Variants in ZNF664 observed in about 807,000 individuals in gnomAD.
ZNF664 encodes zinc finger protein 664.
ZNF664 carries 10 observed loss-of-function variants against 18.2 expected under a neutral mutation model. The observed-to-expected ratio is 0.55, with a 90% CI of 0.34 to 0.93. The LOEUF is 0.93. Ranked by LOEUF, ZNF664 falls within the 40% of genes least tolerant of loss-of-function variation. ZNF664 has a pLI of 0.02. For synonymous variants in ZNF664, 119 were observed against 104.2 expected (o/e 1.14, Z -0.86); for missense variants, 193 against 319.0 (o/e 0.61, Z 3.01).
intron 2 of ZNF664, among the ~76,000 whole-genome samples, chr12:123,986,745 A>C (rs1325107033): frequency 6.6e-6 from 1 of 152,204 alleles, no homozygotes; most frequent in Non-Finnish European, 1.5e-5. Flanking sequence ...GCCTACCCTT[A>C]AAGCTGAAGC....
intron 3 of ZNF664, chr12:123,989,422 G>A (rs1297346838): frequency 1.3e-5 from 2 of 152,098 alleles, no homozygotes; most frequent in African/African-American, 4.8e-5. Flanking sequence ...GGGTAACCTC[G>A]GCCAGTCTTT....
intron 3 of ZNF664, among the ~76,000 whole-genome samples, chr12:123,995,827 T>C (rs2138392417): frequency 6.6e-6 from 1 of 152,308 alleles, no homozygotes; most frequent in Non-Finnish European, 1.5e-5. Flanking sequence ...TCAGAGTACG[T>C]GGAGAGAAGA....
At chr12:123,975,563 T>C (rs965525922) in intron 2 of ZNF664, among the ~76,000 whole-genome samples, 1 of 152,054 alleles carries the variant, frequency 6.6e-6, no homozygotes, top group Non-Finnish European at 1.5e-5. Context: ...TAGTTAGGAA[T>C]GACTACAACC....
intron 3 of ZNF664, among the ~76,000 whole-genome samples, chr12:123,992,214 A>G (rs1426063158): frequency 6.6e-6 from 1 of 152,182 alleles, no homozygotes; most frequent in Non-Finnish European, 1.5e-5. Context: ...CTGGGGACCA[A>G]GTAGGAAAGT....
chr12:124,009,547 G>A (rs1957110898), intron 3 of ZNF664, among the ~76,000 whole-genome samples: 1 of 152,072 alleles, frequency 6.6e-6, no homozygotes, highest in Non-Finnish European at 1.5e-5. Context: ...TGCTGAGGCT[G>A]GAGTACAGTG....
rs1957164341 is a variant in ZNF664, at chr12:124,014,085, A to G, written c.*1155A>G. On this transcript the variant is annotated 3_prime_UTR_variant, in exon 5 of 5. Transcript: ENST00000337815. ...GTGGAGTTTACTTCTGGTGGAGGAG[A>G]CAGATGATAAGTAAACAAATAAATA... The G allele has an allele frequency of 6.0e-6, 1 of 166,862 alleles. No homozygotes were observed. The highest frequency in any genetic ancestry group is 1.5e-5 in the Non-Finnish European group (1 of 68,102). 10.3% of individuals were successfully genotyped at this position (166,862 alleles called of 1,614,324 possible). A position where few individuals can be genotyped will look rare whatever the true frequency, so the allele number is the denominator to read the frequency against.
rs80207221 is a variant in ZNF664, at chr12:123,988,186, C to T, written c.-661+48C>T. The T allele has an allele frequency of 0.011, 13,284 of 1,230,130 alleles. 712 individuals are homozygous for T. The African/African-American group carries it at 0.14, about 13-fold the overall frequency. 76.2% of individuals were successfully genotyped at this position (1,230,130 alleles called of 1,614,324 possible). A position where few individuals can be genotyped will look rare whatever the true frequency, so the allele number is the denominator to read the frequency against. On this transcript the variant is annotated intron_variant, in intron 3 of 4. Transcript: ENST00000337815. ...CATTTGTCCTAGATGGAGAATCCCC[C>T]TTGAGTATTTTAAGCCAAAGCTGTC...
At chr12:123,996,431 CTGGAGATGCATAACAATTCAAGATTT>C (rs1295465405) in intron 3 of ZNF664, among the ~76,000 whole-genome samples, 2 of 152,192 alleles carry the variant, frequency 1.3e-5, no homozygotes, top group Admixed American at 1.3e-4. Flanking sequence ...ACACACAGAG[CTGGAGATGCATAACAATTCAAGATTT>C]TGGAGATAGA....
chr12:123,973,693 G>A (rs2138289797), intron 1 of ZNF664, 193 bp from the exon 2 acceptor site: 2 of 1,008,288 alleles, frequency 2.0e-6, no homozygotes, highest in East Asian at 3.7e-5. Flanking sequence ...TCGGGAGCCG[G>A]ACTCCCGAGC....
rs1173081885 is a variant in ZNF664, at chr12:123,973,936, A to G, written c.-841A>G. 1.5e-5 allele frequency: 18 copies of G among 1,231,740 alleles called. No individual in the cohort carries two copies. The highest frequency in any genetic ancestry group is 1.6e-5 in the Non-Finnish European group (16 of 988,084). 76.3% of individuals were successfully genotyped at this position (1,231,740 alleles called of 1,614,324 possible). The stretch of plus-strand genomic sequence containing the variant: ...CGAGCATCCCGCTCAGGTGATGAGG[A>G]ACCCCTCGCGCACCCAGCGCAGAAG... On this transcript the variant is annotated 5_prime_UTR_variant, in exon 2 of 5. Transcript: ENST00000337815.
chr12:123,973,736 G>C, intron 1 of ZNF664, 150 bp from the exon 2 acceptor site: 1 of 1,206,308 alleles, frequency 8.3e-7, no homozygotes, highest in Non-Finnish European at 1.0e-6. Context: ...CGAGGGAAGG[G>C]GGAGCGCTGC....
At chr12:123,983,695 A>G (rs569313783) in intron 2 of ZNF664, among the ~76,000 whole-genome samples, 2 of 152,284 alleles carry the variant, frequency 1.3e-5, no homozygotes, top group African/African-American at 4.8e-5. Flanking sequence ...TCAAAATATC[A>G]CTTTTGGATG....
intron 2 of ZNF664, among the ~76,000 whole-genome samples, chr12:123,980,298 T>TA (rs908429988): frequency 7.2e-5 from 11 of 152,182 alleles, no homozygotes; most frequent in African/African-American, 2.7e-4. Context: ...AGGAAGATGT[T>TA]ACAATTTCTC....
intron 2 of ZNF664, among the ~76,000 whole-genome samples, chr12:123,981,506 C>G (rs565908726): frequency 6.6e-6 from 1 of 152,300 alleles, no homozygotes; most frequent in South Asian, 2.1e-4. Context: ...CCTGTGCCGG[C>G]TCAGGGCTCT....
At chr12:123,974,475 A>C (rs1956658486) in intron 2 of ZNF664, 1 of 153,932 alleles carries the variant, frequency 6.5e-6, no homozygotes, top group African/African-American at 2.4e-5. Context: ...TTTCCTTCAT[A>C]GACGCATAGT....
intron 3 of ZNF664, among the ~76,000 whole-genome samples, chr12:124,007,770 T>C (rs528353435): frequency 7.7e-4 from 118 of 152,322 alleles, no homozygotes; most frequent in East Asian, 2.9e-3. Context: ...TAGACTATTA[T>C]CTCTTACCTA....
intron 2 of ZNF664, among the ~76,000 whole-genome samples, chr12:123,975,308 T>C (rs1041255988): frequency 6.6e-6 from 1 of 152,172 alleles, no homozygotes; most frequent in African/African-American, 2.4e-5. Flanking sequence ...TTGAATGCTT[T>C]TTAATTTGTG....
chr12:124,012,490 G>A lies in ZNF664; in HGVS notation c.346G>A (p.Val116Ile). ...AGTTCATACAGGTGAGAAACCGTAT[G>A]TCTGTAGTGAGTGTGGAAGGGGCTT... The part of the protein sequence containing the change: ...MRVHTGEKPY[V>I]CSECGRGFSN... Residue 116 changes from valine to isoleucine, a missense_variant, in exon 5 of 5, where the codon GTC (valine) becomes ATC (isoleucine). Val to Ile is a conservative substitution (Grantham distance 29). Coordinates refer to ENST00000337815, the MANE Select transcript of ZNF664 (RefSeq NM_152437.3). 6.2e-7 allele frequency: 1 copy of A among 1,614,180 alleles called. No individual in the cohort carries two copies. The highest frequency in any genetic ancestry group is 8.5e-7 in the Non-Finnish European group (1 of 1,180,050).
chr12:123,989,069 T>C (rs941536750), intron 3 of ZNF664, among the ~76,000 whole-genome samples: 3 of 152,202 alleles, frequency 2.0e-5, no homozygotes, highest in African/African-American at 7.2e-5. Flanking sequence ...AGACTTCACT[T>C]TCCCATGCAA....
Sources: allele counts gnomAD v4.1 joint callset (sites outside exome capture counted in the v4.1 genomes callset), GRCh38; gene constraint gnomAD v4.1.1; transcripts MANE v1.5; gene names NCBI Gene and HGNC (gene_info 2026-07-23, HGNC 2026-07-21).